CLEC1B: variants seen among roughly 807,000 people sequenced by gnomAD.
CLEC1B encodes the protein C-type lectin-like receptor 2.
Under a neutral mutation model 26.7 loss-of-function variants are expected in CLEC1B, and 26 were observed. The ratio of observed to expected loss-of-function variants is 0.97; its 90% confidence interval spans 0.71 to 1.35. The LOEUF (loss-of-function observed/expected upper bound fraction) is 1.35. Ranked by LOEUF, CLEC1B falls within the 40% of genes most tolerant of loss-of-function variation. The pLI, the probability that CLEC1B is intolerant of heterozygous loss-of-function variation, is 0.00. For synonymous variants in CLEC1B, 112 were observed against 96.0 expected, an observed-to-expected ratio of 1.17 and a Z score of -0.97; for missense variants, 293 against 282.6, an observed-to-expected ratio of 1.04 and a Z score of -0.26.
chr12:9,993,290 G>A lies in CLEC1B; in HGVS notation c.546-3C>T, dbSNP rs1324529934. 7 of 1,599,824 alleles carry A rather than the reference G, an allele frequency of 4.4e-6. No individual in the cohort carries two copies. Among genetic ancestry groups the A allele is most frequent in the African/African-American group, 1.3e-5 (1 of 74,310 alleles). ...TTCCATCTTCCAAAAACTCAAACCT[G>A]TGAAGGGAAAGTTAGAATAAATTCC... On this transcript the variant is annotated splice_polypyrimidine_tract_variant and splice_region_variant and intron_variant, in intron 5 of 5. Coordinates refer to ENST00000298527, the MANE Select transcript of CLEC1B (RefSeq NM_016509.4).
intron 4 of CLEC1B, chr12:9,995,453 T>C (rs995879887): frequency 1.9e-6 from 1 of 513,274 alleles, no homozygotes; most frequent in African/African-American, 1.9e-5. Flanking sequence ...GGTAAAATTG[T>C]ACACAAAATA....
intron 1 of CLEC1B, among the ~76,000 whole-genome samples, chr12:9,998,644 TTTTTGTTTTG>T (rs71049030): frequency 0.42 from 59,440 of 142,060 alleles, 13,066 homozygotes; most frequent in Non-Finnish European, 0.44. Context: ...GTGTTTGTAT[TTTTTGTTTTG>T]TTTTGTTTTG....
In CLEC1B at chr12:9,998,331, C is replaced by A. The variant is rs1259786779; in HGVS notation, c.114G>T (p.Leu38=). Residue 38 remains leucine (L), a synonymous_variant, in exon 2 of 6, where the codon CTG becomes CTT. Transcript: ENST00000298527. ...SWWRVMALIL[L]ILCVGMVVGL... ...CGACAACCATCCCCACGCACAGGATCAGCAGAATCAAAGCCATCACACGCC... is the reference window on the plus strand; with the variant it reads ...CGACAACCATCCCCACGCACAGGATAAGCAGAATCAAAGCCATCACACGCC... The A allele has an allele frequency of 1.2e-6, 2 of 1,614,078 alleles. No individual in the cohort carries two copies. Among genetic ancestry groups the A allele is most frequent in the Non-Finnish European group, 1.7e-6 (2 of 1,180,034 alleles).
At chr12:9,993,385 G>T in intron 5 of CLEC1B, 98 bp from the exon 6 acceptor site, 11 of 708,030 alleles carry the variant, frequency 1.6e-5, no homozygotes, top group East Asian at 3.2e-5. Context: ...AATAGAGACT[G>T]AGGAAAATAG....
chr12:9,996,752 T>C (rs1219807271), intron 4 of CLEC1B, 94 bp downstream of exon 4: 2 of 1,288,010 alleles, frequency 1.6e-6, no homozygotes, highest in African/African-American at 2.9e-5. Context: ...CTGAAAGATG[T>C]TAAGAAAAAT....
intron 2 of CLEC1B, among the ~76,000 whole-genome samples, chr12:9,997,661 C>A (rs528464468): frequency 2.0e-5 from 3 of 152,260 alleles, no homozygotes; most frequent in Admixed American, 2.0e-4. Context: ...AAAATACATA[C>A]TGATTTCTTG....
chr12:9,993,271 C>T lies in CLEC1B; in HGVS notation c.562G>A (p.Asp188Asn), dbSNP rs757786077. Residue 188 changes from aspartate (D) to asparagine (N), a missense_variant, in exon 6 of 6, where the codon GAT (aspartate) becomes AAT (asparagine). Physicochemically the swap from Asp to Asn is conservative, Grantham distance 23. Transcript: ENST00000298527. ...ISENMFEFLEDGKGNMNCAYF... is the reference protein window; with the variant it reads ...ISENMFEFLENGKGNMNCAYF... Reference sequence around the variant, plus strand: ...GCACAATTCATATTTCCTTTTCCATCTTCCAAAAACTCAAACCTGTGAAGG... The same window carrying T: ...GCACAATTCATATTTCCTTTTCCATTTTCCAAAAACTCAAACCTGTGAAGG... The T allele has an allele frequency of 1.2e-6, 2 of 1,612,634 alleles. No individual in the cohort carries two copies. The highest frequency in any genetic ancestry group is 1.7e-5 in the Admixed American group (1 of 59,910).
At chr12:10,001,881 C>T (rs1591855628), upstream of CLEC1B, among the ~76,000 whole-genome samples, 2 of 134,216 alleles carry the variant, frequency 1.5e-5, no homozygotes, top group Admixed American at 7.8e-5. Flanking sequence ...TAAACAAAAT[C>T]TTTTTTTTTT....
chr12:9,997,774 C>G (rs1334883841), intron 2 of CLEC1B, among the ~76,000 whole-genome samples: 2 of 152,082 alleles, frequency 1.3e-5, no homozygotes, highest in African/African-American at 4.8e-5. Flanking sequence ...AATACACAAA[C>G]AAGCAACAAC....
At chr12:9,996,761 A>C in intron 4 of CLEC1B, 85 bp downstream of exon 4, 1 of 1,406,018 alleles carries the variant, frequency 7.1e-7, no homozygotes, top group Non-Finnish European at 1.0e-6. Context: ...GTTAAGAAAA[A>C]TGTAAAAAAC....
chr12:9,996,876 A>T lies in CLEC1B; in HGVS notation c.408T>A (p.Thr136=), dbSNP rs770442617. The change falls in exon 4 of 6, where the codon ACT becomes ACA. Residue 136 remains threonine, a synonymous_variant. Coordinates refer to ENST00000298527, the MANE Select transcript of CLEC1B (RefSeq NM_016509.4). ...SKQYCTDMNA[T]LLKIDNRNIV... ...TGTTCCGGTTGTCAATCTTCAGGAG[A>T]GTAGCATTCATGTCAGTGCAGTACT... The T allele has an allele frequency of 6.2e-7, 1 of 1,614,082 alleles. No individual in the cohort carries two copies. Among genetic ancestry groups the T allele is most frequent in the South Asian group, 1.1e-5 (1 of 91,082 alleles).
chr12:9,993,757 TA>T (rs1864956239), intron 5 of CLEC1B, among the ~76,000 whole-genome samples: 1 of 152,168 alleles, frequency 6.6e-6, no homozygotes, highest in South Asian at 2.1e-4. Flanking sequence ...TGTTGCAAGA[TA>T]AATCATCTAA....
At chr12:9,993,736 AT>A (rs1169588421) in intron 5 of CLEC1B, among the ~76,000 whole-genome samples, 1 of 152,144 alleles carries the variant, frequency 6.6e-6, no homozygotes, top group Non-Finnish European at 1.5e-5. Flanking sequence ...TAGTTTTGAA[AT>A]CAGGATTTAT....
Position 9,995,273 on chromosome 12 carries a change from G to A in CLEC1B, c.439-27C>T, listed in dbSNP as rs994402029. ...TATTGTAAACATAAATAAACACAATGGTCAGAATCCCTCCACAGCTCTTGG... is the reference window on the plus strand; with the variant it reads ...TATTGTAAACATAAATAAACACAATAGTCAGAATCCCTCCACAGCTCTTGG... On this transcript the variant is annotated intron_variant, in intron 4 of 5. Coordinates refer to ENST00000298527, the MANE Select transcript of CLEC1B (RefSeq NM_016509.4). The A allele has an allele frequency of 1.9e-6, 3 of 1,563,590 alleles. No individual in the cohort carries two copies. The African/African-American group carries it at 4.1e-5, about 21-fold the overall frequency.
upstream of CLEC1B, among the ~76,000 whole-genome samples, chr12:10,000,913 C>T (rs1029665721): frequency 6.6e-6 from 1 of 152,042 alleles, no homozygotes; most frequent in Non-Finnish European, 1.5e-5. Flanking sequence ...TATACAGAAA[C>T]ACTAAAAAAT....
intron 4 of CLEC1B, chr12:9,995,794 A>C (rs1865029534): frequency 5.3e-6 from 1 of 188,248 alleles, no homozygotes; most frequent in African/African-American, 2.4e-5. Context: ...ACTTTCTTCT[A>C]ATTAGCAATT....
intron 4 of CLEC1B, among the ~76,000 whole-genome samples, chr12:9,996,063 T>C (rs1296746113): frequency 6.6e-6 from 1 of 152,160 alleles, no homozygotes; most frequent in Non-Finnish European, 1.5e-5. Flanking sequence ...CAAGTGATAA[T>C]GCATTCTTGG....
chr12:10,001,065 A>C (rs1365740069), upstream of CLEC1B, among the ~76,000 whole-genome samples: 5 of 152,346 alleles, frequency 3.3e-5, no homozygotes, highest in African/African-American at 1.2e-4. Context: ...AATTTGTTAC[A>C]TTAAATCAGA....
intron 4 of CLEC1B, among the ~76,000 whole-genome samples, chr12:9,996,256 G>C (rs1026149652): frequency 9.9e-5 from 15 of 151,846 alleles, no homozygotes; most frequent in African/African-American, 3.6e-4. Flanking sequence ...TTCCCAATAG[G>C]AACTGACAGA....
Sources: allele counts gnomAD v4.1 joint callset (sites outside exome capture counted in the v4.1 genomes callset), GRCh38; gene constraint gnomAD v4.1.1; transcripts MANE v1.5; gene names NCBI Gene and HGNC (gene_info 2026-07-23, HGNC 2026-07-21).